The following PVT1 variants were observed in gnomAD, a reference collection of about 807,000 sequenced individuals.
PVT1 encodes CXCR4/PVT1 fusion.
intron 4 of PVT1, among the ~76,000 whole-genome samples, chr8:128,056,512 C>T (rs1017292707): frequency 2.0e-5 from 3 of 152,190 alleles, no homozygotes; most frequent in Non-Finnish European, 2.9e-5. Flanking sequence ...AGCCTGTACA[C>T]GAGTCCCAGG....
chr8:127,952,770 A>ACCTAGGTTGTGCCTGCAT (rs1701964452), intron 3 of PVT1, among the ~76,000 whole-genome samples: 5 of 148,584 alleles, frequency 3.4e-5, no homozygotes, highest in African/African-American at 1.2e-4. Flanking sequence ...TTGTGCCTGC[A>ACCTAGGTTGTGCCTGCAT]TTTTTTTTTT....
intron 3 of PVT1, among the ~76,000 whole-genome samples, chr8:127,897,870 GGAAAGAAA>G (rs139029855): frequency 0.056 from 7,446 of 132,116 alleles, 275 homozygotes; most frequent in Non-Finnish European, 0.082. Flanking sequence ...AAGGAAGAAA[GGAAAGAAA>G]GAAAGAAAGA....
intron 5 of PVT1, among the ~76,000 whole-genome samples, chr8:128,088,869 A>G (rs1338627080): frequency 6.6e-6 from 1 of 152,088 alleles, no homozygotes; most frequent in East Asian, 1.9e-4. Context: ...TTCGGGAGAG[A>G]ATGTAGTCTT....
At chr8:128,082,379 A>G (rs894297069) in intron 5 of PVT1, among the ~76,000 whole-genome samples, 1 of 152,202 alleles carries the variant, frequency 6.6e-6, no homozygotes, top group Non-Finnish European at 1.5e-5. Context: ...TTAGAGTTAG[A>G]TGGACCTGCA....
intron 4 of PVT1, among the ~76,000 whole-genome samples, chr8:128,061,584 C>A (rs996279436): frequency 6.6e-6 from 1 of 152,200 alleles, no homozygotes; most frequent in Non-Finnish European, 1.5e-5. Flanking sequence ...CTGCTAAAGT[C>A]TTTTCCAAAG....
chr8:127,887,835 A>G (rs561384445), intron 2 of PVT1, among the ~76,000 whole-genome samples: 3 of 150,062 alleles, frequency 2.0e-5, no homozygotes, highest in Non-Finnish European at 4.4e-5. Flanking sequence ...GCCTAGAAAC[A>G]CTGTCTTATT....
intron 2 of PVT1, among the ~76,000 whole-genome samples, chr8:127,834,501 T>C (rs1013799720): frequency 2.0e-4 from 30 of 152,172 alleles, no homozygotes; most frequent in Admixed American, 1.6e-3. Context: ...ATTCAGGACA[T>C]AGGCATGGGC....
At chr8:128,070,684 A>G (rs949534547) in intron 5 of PVT1, among the ~76,000 whole-genome samples, 5 of 152,166 alleles carry the variant, frequency 3.3e-5, no homozygotes, top group Middle Eastern at 3.2e-3. Flanking sequence ...GTTAGGGAAG[A>G]AAATTTTCCC....
At chr8:127,922,048 A>G (rs1816067399) in intron 3 of PVT1, among the ~76,000 whole-genome samples, 1 of 151,396 alleles carries the variant, frequency 6.6e-6, no homozygotes, top group East Asian at 2.0e-4. Flanking sequence ...TTTAGTAGAG[A>G]CGGTGTTTCA....
At chr8:128,045,609 C>T (rs1286822496) in intron 4 of PVT1, among the ~76,000 whole-genome samples, 1 of 152,172 alleles carries the variant, frequency 6.6e-6, no homozygotes, top group African/African-American at 2.4e-5. Flanking sequence ...TATTTTCTAC[C>T]CTTACCTGCT....
intron 2 of PVT1, among the ~76,000 whole-genome samples, chr8:127,864,784 G>T (rs1337141038): frequency 2.0e-5 from 3 of 152,082 alleles, no homozygotes; most frequent in Non-Finnish European, 4.4e-5. Flanking sequence ...TCCTGACCTC[G>T]TGATCCGCCC....
At chr8:127,986,033 G>A (rs1480790875) in intron 3 of PVT1, among the ~76,000 whole-genome samples, 1 of 152,194 alleles carries the variant, frequency 6.6e-6, no homozygotes, top group Non-Finnish European at 1.5e-5. Flanking sequence ...GTCAATGTGT[G>A]TTATACCCTG....
chr8:127,999,773 T>C (rs1817154375), intron 4 of PVT1, among the ~76,000 whole-genome samples: 1 of 152,252 alleles, frequency 6.6e-6, no homozygotes, highest in African/African-American at 2.4e-5. Flanking sequence ...CCATCCACTT[T>C]TAACAAACTT....
intron 4 of PVT1, among the ~76,000 whole-genome samples, chr8:128,037,132 G>C (rs1258886816): frequency 6.6e-6 from 1 of 152,214 alleles, no homozygotes; most frequent in Non-Finnish European, 1.5e-5. Flanking sequence ...AGGCAGGGGT[G>C]CCCGAGACCC....
At chr8:127,822,957 A>T (rs1013621692) in intron 2 of PVT1, among the ~76,000 whole-genome samples, 1 of 152,230 alleles carries the variant, frequency 6.6e-6, no homozygotes, top group Admixed American at 6.5e-5. Flanking sequence ...GGATTTCATG[A>T]TCAGATCATT....
At chr8:127,998,553 CTCTCTT>C (rs900905527) in intron 4 of PVT1, among the ~76,000 whole-genome samples, 1 of 150,392 alleles carries the variant, frequency 6.6e-6, no homozygotes, top group South Asian at 2.1e-4. Context: ...CTCTCTCTCT[CTCTCTT>C]CCTTCCTTCC....
intron 3 of PVT1, among the ~76,000 whole-genome samples, chr8:127,950,153 C>T (rs1816488348): frequency 6.6e-6 from 1 of 150,736 alleles, no homozygotes. Flanking sequence ...GGGGCACATG[C>T]TCTTCTAATC....
At chr8:128,028,712 T>G (rs1238639358) in intron 4 of PVT1, among the ~76,000 whole-genome samples, 2 of 152,194 alleles carry the variant, frequency 1.3e-5, no homozygotes, top group African/African-American at 4.8e-5. Context: ...GCAAGCTAAG[T>G]CTTCAACAGG....
intron 5 of PVT1, among the ~76,000 whole-genome samples, chr8:128,093,339 C>T (rs1040534852): frequency 1.3e-5 from 2 of 152,126 alleles, no homozygotes; most frequent in Admixed American, 6.5e-5. Context: ...GGGCGGATCA[C>T]CTGAGGTCAG....
Sources: allele counts gnomAD v4.1 joint callset (sites outside exome capture counted in the v4.1 genomes callset), GRCh38; gene constraint gnomAD v4.1.1; transcripts MANE v1.5; gene names NCBI Gene and HGNC (gene_info 2026-07-23, HGNC 2026-07-21).